The following TSPAN14 variants were observed in gnomAD, a reference collection of about 807,000 sequenced individuals.
The protein encoded by TSPAN14 is tetraspanin-14.
A neutral mutation model predicts 36.6 loss-of-function variants in TSPAN14; 16 were observed. The observed-to-expected ratio is 0.44, with a 90% confidence interval of 0.30 to 0.66. The LOEUF is 0.66. Ranked by LOEUF, TSPAN14 falls within the 30% of genes least tolerant of loss-of-function variation. The pLI is 0.12. For synonymous variants in TSPAN14, 139 were observed against 143.8 expected, an observed-to-expected ratio of 0.97 and a Z score of 0.24; for missense variants, 231 against 355.1, an observed-to-expected ratio of 0.65 and a Z score of 2.81.
intron 2 of TSPAN14, among the ~76,000 whole-genome samples, chr10:80,502,061 C>G (rs1289691937): frequency 6.6e-6 from 1 of 152,154 alleles, no homozygotes; most frequent in East Asian, 1.9e-4. Flanking sequence ...AGCAGTTCCA[C>G]TCAGGGTGGT....
At chr10:80,463,320 C>G (rs867398689) in intron 1 of TSPAN14, among the ~76,000 whole-genome samples, 3 of 152,138 alleles carry the variant, frequency 2.0e-5, no homozygotes, top group African/African-American at 7.2e-5. Context: ...TTTTTATTTA[C>G]AAAAATGTAT....
intron 1 of TSPAN14, among the ~76,000 whole-genome samples, chr10:80,485,052 A>G (rs910484066): frequency 1.3e-5 from 2 of 152,134 alleles, no homozygotes; most frequent in Admixed American, 6.5e-5. Flanking sequence ...TTTCTATCAC[A>G]TTCTTAGAGT....
At chr10:80,484,804 G>A (rs1310050975) in intron 1 of TSPAN14, among the ~76,000 whole-genome samples, 1 of 152,006 alleles carries the variant, frequency 6.6e-6, no homozygotes, top group Non-Finnish European at 1.5e-5. Flanking sequence ...TTTTCCTGTT[G>A]CCTCAAAAGT....
intron 1 of TSPAN14, among the ~76,000 whole-genome samples, chr10:80,484,292 T>C (rs1015921065): frequency 6.6e-6 from 1 of 152,142 alleles, no homozygotes; most frequent in African/African-American, 2.4e-5. Flanking sequence ...TAAGTTTTAT[T>C]TCTAGTGACA....
At chr10:80,478,421 G>C (rs1003811568) in intron 1 of TSPAN14, among the ~76,000 whole-genome samples, 2 of 152,214 alleles carry the variant, frequency 1.3e-5, no homozygotes, top group Non-Finnish European at 2.9e-5. Context: ...AGGGAAAACA[G>C]AGAAGAAGGC....
intron 2 of TSPAN14, among the ~76,000 whole-genome samples, chr10:80,495,165 C>G (rs1001322477): frequency 6.6e-6 from 1 of 152,124 alleles, no homozygotes; most frequent in Non-Finnish European, 1.5e-5. Context: ...ATGTAATACG[C>G]ATTCTTCCCT....
At chr10:80,516,274 G>A (rs372001391) in exon 8 of TSPAN14, 50 of 1,614,136 alleles carry the variant, frequency 3.1e-5, no homozygotes, top group East Asian at 4.5e-5. Context: ...TGGCTCCCGC[G>A]GAACATTTAC....
chr10:80,479,880 G>C (rs2131991141), intron 1 of TSPAN14, among the ~76,000 whole-genome samples: 1 of 149,844 alleles, frequency 6.7e-6, no homozygotes, highest in Non-Finnish European at 1.5e-5. Context: ...AAATTACCTT[G>C]GGCAGTATGG....
chr10:80,461,880 G>T lies in TSPAN14; in HGVS notation c.-18+7509G>T, dbSNP rs191299684. On this transcript the variant is annotated intron_variant, in intron 1 of 8. Transcript: ENST00000429989. Reference sequence around the variant, plus strand: ...AGAGATACGAGGGCTTCAGGTGCCAGTATGGTTCTCACTGTTGTGAGATCT... The same window carrying T: ...AGAGATACGAGGGCTTCAGGTGCCATTATGGTTCTCACTGTTGTGAGATCT... Among the ~76,000 whole-genome samples the T allele has an allele frequency of 2.1e-3, 322 of 151,880 alleles. 2 individuals carry two copies. The highest frequency in any genetic ancestry group is 7.4e-3 in the African/African-American group (306 of 41,374).
At chr10:80,496,004 T>C (rs1349432719) in intron 2 of TSPAN14, among the ~76,000 whole-genome samples, 3 of 152,238 alleles carry the variant, frequency 2.0e-5, no homozygotes, top group Non-Finnish European at 4.4e-5. Context: ...ATCTGACTTT[T>C]TTTTAGTTAG....
intron 2 of TSPAN14, among the ~76,000 whole-genome samples, chr10:80,498,904 C>G (rs977883832): frequency 5.3e-5 from 8 of 152,116 alleles, no homozygotes; most frequent in African/African-American, 1.9e-4. Flanking sequence ...GAGACTGGAC[C>G]CAGGGCCGGC....
intron 2 of TSPAN14, among the ~76,000 whole-genome samples, chr10:80,500,369 G>A (rs907675347): frequency 1.8e-4 from 21 of 118,744 alleles, no homozygotes; most frequent in Non-Finnish European, 3.1e-4. Context: ...TGCTCTTGCT[G>A]CCCAGGCTGG....
chr10:80,490,269 G>A (rs953748731), intron 2 of TSPAN14, among the ~76,000 whole-genome samples: 14 of 152,098 alleles, frequency 9.2e-5, no homozygotes, highest in Admixed American at 4.6e-4. Context: ...TTCCTTTGTC[G>A]TTGACTGTCC....
In TSPAN14 at chr10:80,509,529, G is replaced by C; in HGVS notation, c.450+58G>C. On this transcript the variant is annotated intron_variant, in intron 5 of 8. Coordinates refer to ENST00000429989, the Ensembl canonical transcript of TSPAN14. The surrounding 1 kb of genome is among the most constrained non-coding windows in gnomAD (Gnocchi z 4.7). ...CATGCACCTCCCTGTGCTGCCTGGAGCTGAGTCTAGCAGGGGCATCAGGCC... is the reference window on the plus strand; with the variant it reads ...CATGCACCTCCCTGTGCTGCCTGGACCTGAGTCTAGCAGGGGCATCAGGCC... 1.3e-6 allele frequency: 2 copies of C among 1,568,970 alleles called. No homozygotes were observed. Among genetic ancestry groups the C allele is most frequent in the Non-Finnish European group, 1.7e-6 (2 of 1,153,052 alleles).
intron 3 of TSPAN14, among the ~76,000 whole-genome samples, chr10:80,505,561 G>C (rs1348595487): frequency 1.3e-5 from 2 of 152,238 alleles, no homozygotes; most frequent in African/African-American, 2.4e-5. Context: ...GCTTCCAGCA[G>C]GAGGAGGCAG....
chr10:80,467,277 G>T lies in TSPAN14; in HGVS notation c.-18+12906G>T, dbSNP rs980558444. Among the ~76,000 whole-genome samples the T allele has an allele frequency of 4.6e-5, 7 of 152,106 alleles. No individual in the cohort carries two copies. The East Asian group carries it at 1.2e-3, about 25-fold the overall frequency. The stretch of plus-strand genomic sequence containing the variant: ...TTTTTCAGGTTTCTCTGGGGTCCTC[G>T]TGGCCAAGAGGGTCTGTTTAGTTGG... On this transcript the variant is annotated intron_variant, in intron 1 of 8. Coordinates refer to ENST00000429989, the Ensembl canonical transcript of TSPAN14.
chr10:80,498,210 C>T (rs983599006), intron 2 of TSPAN14, among the ~76,000 whole-genome samples: 4 of 152,172 alleles, frequency 2.6e-5, no homozygotes, highest in Non-Finnish European at 5.9e-5. Context: ...CCTGAATGCC[C>T]CAGGCCTGGA....
At chr10:80,508,138 C>A (rs1424946195) in intron 4 of TSPAN14, among the ~76,000 whole-genome samples, 1 of 141,268 alleles carries the variant, frequency 7.1e-6, no homozygotes, top group Non-Finnish European at 1.5e-5. Flanking sequence ...TTTTTTGATA[C>A]CGAGTCTCGC....
intron 1 of TSPAN14, among the ~76,000 whole-genome samples, chr10:80,482,214 T>C (rs1847316857): frequency 6.6e-6 from 1 of 152,238 alleles, no homozygotes; most frequent in Non-Finnish European, 1.5e-5. Context: ...TGTGCAGTTA[T>C]GATTTTGAAA....
Sources: allele counts gnomAD v4.1 joint callset (sites outside exome capture counted in the v4.1 genomes callset), GRCh38; gene constraint gnomAD v4.1.1; non-coding constraint Gnocchi (gnomAD v3.1); transcripts MANE v1.5; gene names NCBI Gene and HGNC (gene_info 2026-07-23, HGNC 2026-07-21).